The following CDH18 variants were observed in gnomAD, a reference collection of about 807,000 sequenced individuals.
CDH18 encodes the protein cadherin-18.
A neutral mutation model predicts 67.9 loss-of-function variants in CDH18; 31 were observed. The ratio of observed to expected loss-of-function variants is 0.46; its 90% CI spans 0.34 to 0.62. The LOEUF is 0.62. CDH18 is among the 20% of genes least tolerant of loss of function. The probability of loss-of-function intolerance (pLI) is 0.01; values close to 1 mark genes in which losing one functional copy is unlikely to be tolerated. For synonymous variants in CDH18, 362 were observed against 347.2 expected (o/e 1.04, Z -0.48); for missense variants, 890 against 975.5 (o/e 0.91, Z 1.17).
chr5:20,462,126 A>G (rs149185900), intron 1 of CDH18, among the ~76,000 whole-genome samples: 1 of 152,224 alleles, frequency 6.6e-6, no homozygotes, highest in Non-Finnish European at 1.5e-5. Context: ...TTAAGAATCT[A>G]TCATTGAATA....
At chr5:19,519,465 C>G (rs1746551040) in intron 10 of CDH18, among the ~76,000 whole-genome samples, 2 of 152,088 alleles carry the variant, frequency 1.3e-5, no homozygotes, top group Non-Finnish European at 2.9e-5. Flanking sequence ...ACTTTTGACT[C>G]AGAAAGGGCA....
intron 1 of CDH18, among the ~76,000 whole-genome samples, chr5:20,513,315 A>G (rs1321367328): frequency 6.6e-6 from 1 of 152,166 alleles, no homozygotes; most frequent in African/African-American, 2.4e-5. Flanking sequence ...TTAAGAACTG[A>G]AGAACACATA....
At chr5:20,311,825 AT>A in intron 1 of CDH18, among the ~76,000 whole-genome samples, 1 of 152,264 alleles carries the variant, frequency 6.6e-6, no homozygotes, top group East Asian at 1.9e-4. Context: ...ATACTCCATT[AT>A]TTTCACATGG....
chr5:19,772,964 C>T (rs1167589756), intron 3 of CDH18, among the ~76,000 whole-genome samples: 1 of 152,134 alleles, frequency 6.6e-6, no homozygotes, highest in African/African-American at 2.4e-5. Flanking sequence ...CTTAAGTAAA[C>T]ATCAATAATT....
chr5:20,552,426 G>A (rs541934311), intron 1 of CDH18, among the ~76,000 whole-genome samples: 1 of 152,158 alleles, frequency 6.6e-6, no homozygotes, highest in Non-Finnish European at 1.5e-5. Flanking sequence ...GCTGTGAGCA[G>A]AGACCATGCC....
chr5:19,871,390 T>A (rs1004272885), intron 2 of CDH18, among the ~76,000 whole-genome samples: 1 of 134,490 alleles, frequency 7.4e-6, no homozygotes, highest in Admixed American at 7.4e-5. Context: ...ACTTATCACA[T>A]CTTTTTTTAT....
At chr5:19,875,092 C>G (rs923384688) in intron 2 of CDH18, among the ~76,000 whole-genome samples, 1 of 152,152 alleles carries the variant, frequency 6.6e-6, no homozygotes, top group South Asian at 2.1e-4. Flanking sequence ...TTGGTAGCCA[C>G]TGCATCCAAC....
At chr5:19,492,655 A>G (rs1282115559) in intron 11 of CDH18, among the ~76,000 whole-genome samples, 1 of 152,120 alleles carries the variant, frequency 6.6e-6, no homozygotes, top group Non-Finnish European at 1.5e-5. Context: ...TTTAAATTTT[A>G]AATAAAGTTA....
At chr5:19,798,453 C>G (rs1016770344) in intron 3 of CDH18, among the ~76,000 whole-genome samples, 1 of 151,708 alleles carries the variant, frequency 6.6e-6, no homozygotes, top group Non-Finnish European at 1.5e-5. Context: ...ATTTCCAGAC[C>G]TTTGGAAATA....
At chr5:19,573,431 G>A (rs958895098) in intron 7 of CDH18, among the ~76,000 whole-genome samples, 25 of 151,922 alleles carry the variant, frequency 1.6e-4, no homozygotes, top group African/African-American at 5.8e-4. Context: ...GGCGCCTGCC[G>A]CCACGCCCGG....
chr5:19,838,446 T>C (rs1182973401), intron 3 of CDH18, among the ~76,000 whole-genome samples: 1 of 152,062 alleles, frequency 6.6e-6, no homozygotes, highest in Non-Finnish European at 1.5e-5. Context: ...AAAGAAAAAA[T>C]TACTTAATTG....
intron 2 of CDH18, among the ~76,000 whole-genome samples, chr5:20,095,751 T>A (rs901720489): frequency 1.3e-5 from 2 of 151,088 alleles, no homozygotes; most frequent in African/African-American, 4.8e-5. Flanking sequence ...ATACCGAAGT[T>A]ATAAGCTACA....
chr5:19,756,466 C>A (rs12652243), intron 3 of CDH18, among the ~76,000 whole-genome samples: 20,701 of 152,160 alleles, frequency 0.14, 3,587 homozygotes, highest in African/African-American at 0.4. Context: ...TGACCCAAAC[C>A]TTTACTCCTG....
At chr5:19,566,349 T>A (rs1740394819) in intron 8 of CDH18, among the ~76,000 whole-genome samples, 1 of 152,204 alleles carries the variant, frequency 6.6e-6, no homozygotes, top group Admixed American at 6.5e-5. Flanking sequence ...GAGCTCCCTA[T>A]GATGCAGCAA....
rs978990957 is a variant in CDH18 at position 19,618,611 on chromosome 5, A to T, written c.644-6010T>A. Reference sequence around the variant, plus strand: ...ACTCCCAGTGTTTCTCCAATGGGACATGTGGACCACTTAATAACTAAATCA... The same window carrying T: ...ACTCCCAGTGTTTCTCCAATGGGACTTGTGGACCACTTAATAACTAAATCA... On this transcript the variant is annotated intron_variant, in intron 5 of 12. Transcript: ENST00000382275. 4.6e-5 allele frequency among the ~76,000 whole-genome samples: 7 copies of T among 152,202 alleles called. No individual in the cohort carries two copies. The South Asian group carries it at 1.4e-3, about 31-fold the overall frequency.
intron 5 of CDH18, among the ~76,000 whole-genome samples, chr5:19,669,036 A>G (rs1378870082): frequency 6.7e-6 from 1 of 150,010 alleles, no homozygotes; most frequent in Non-Finnish European, 1.5e-5. Context: ...CTATGTGGAC[A>G]TTCATACCAT....
intron 1 of CDH18, among the ~76,000 whole-genome samples, chr5:20,323,749 CTATA>C (rs1738265232): frequency 6.6e-6 from 1 of 152,154 alleles, no homozygotes. Context: ...TCTCTAAGTG[CTATA>C]GTAAGCAACT....
At chr5:20,035,162 T>C (rs1739739189) in intron 2 of CDH18, among the ~76,000 whole-genome samples, 1 of 151,990 alleles carries the variant, frequency 6.6e-6, no homozygotes, top group Non-Finnish European at 1.5e-5. Context: ...ATTAGACACA[T>C]AGTGTTAGTG....
intron 2 of CDH18, among the ~76,000 whole-genome samples, chr5:20,105,277 G>A (rs1266136201): frequency 2.0e-5 from 3 of 152,128 alleles, no homozygotes; most frequent in African/African-American, 7.2e-5. Flanking sequence ...ATGAGCTACT[G>A]TGCCCAGCGA....
Sources: allele counts gnomAD v4.1 joint callset (sites outside exome capture counted in the v4.1 genomes callset), GRCh38; gene constraint gnomAD v4.1.1; transcripts MANE v1.5; gene names NCBI Gene and HGNC (gene_info 2026-07-23, HGNC 2026-07-21).